Variants in PP2D1 observed in about 807,000 individuals in gnomAD.
PP2D1 encodes protein phosphatase 2C like domain containing 1, also known as protein phosphatase 2C-like domain-containing protein 1.
A neutral mutation model predicts 30.2 loss-of-function variants in PP2D1; 25 were observed. The observed-to-expected ratio is 0.83, with a 90% CI of 0.60 to 1.16. The LOEUF (loss-of-function observed/expected upper bound fraction) is 1.16, where lower values mean the gene tolerates loss of function less well. Ranked by LOEUF, PP2D1 falls within the 50% of genes most tolerant of loss-of-function variation. The pLI is 0.00. For missense variants in PP2D1, 760 were observed against 742.4 expected (o/e 1.02, Z -0.28); for synonymous variants, 260 against 258.9 (o/e 1.00, Z -0.04).
chr3:20,005,985 G>C (rs909000658), intron 1 of PP2D1, among the ~76,000 whole-genome samples: 1 of 151,914 alleles, frequency 6.6e-6, no homozygotes, highest in African/African-American at 2.4e-5. Flanking sequence ...AGTGGCTCAC[G>C]CATAATCCCA....
At position 20,012,231 on chromosome 3, in the gene PP2D1, C is replaced by T. The variant is rs1697397575; in HGVS notation, c.-159G>A. The T allele has an allele frequency of 1.6e-6, 1 of 630,076 alleles. No homozygotes were observed. The highest frequency in any genetic ancestry group is 2.8e-6 in the Non-Finnish European group (1 of 359,224). The allele number at this position is 630,076 out of a possible 1,614,324, so 39.0% of individuals were successfully genotyped here. A position where few individuals can be genotyped will look rare whatever the true frequency, so the allele number is the denominator to read the frequency against. The stretch of plus-strand genomic sequence containing the variant: ...GTGATGATAGCGATGGTGGGCATTC[C>T]CCTCACTTGATGGTAGAGCTCCCTG... On this transcript the variant is annotated 5_prime_UTR_variant, in exon 1 of 3. Coordinates refer to ENST00000389050, the MANE Select transcript of PP2D1 (RefSeq NM_001252657.2).
chr3:19,980,866 C>G (rs75236338), downstream of PP2D1, among the ~76,000 whole-genome samples: 2 of 152,216 alleles, frequency 1.3e-5, no homozygotes, highest in African/African-American at 4.8e-5. Flanking sequence ...CTCCCAAATC[C>G]ATTGCCCAAC....
At chr3:19,994,892 A>C (rs917215241) in intron 2 of PP2D1, among the ~76,000 whole-genome samples, 2 of 152,246 alleles carry the variant, frequency 1.3e-5, no homozygotes, top group South Asian at 4.1e-4. Flanking sequence ...AACACTGGGA[A>C]AAGAAACATT....
At chr3:19,985,111 C>T (rs911715372), downstream of PP2D1, 33 of 335,730 alleles carry the variant, frequency 9.8e-5, no homozygotes, top group Middle Eastern at 8.7e-4. Flanking sequence ...ATTAGGAAAA[C>T]GGTTCACCAG....
intron 2 of PP2D1, among the ~76,000 whole-genome samples, chr3:19,999,349 T>C (rs144736617): frequency 0.017 from 2,590 of 151,670 alleles, 63 homozygotes; most frequent in African/African-American, 0.059. Context: ...AAATGCTGGT[T>C]ACAGGCGTCA....
At chr3:20,000,066 C>T (rs9871747) in intron 2 of PP2D1, among the ~76,000 whole-genome samples, 24,270 of 152,144 alleles carry the variant, frequency 0.16, 2,120 homozygotes, top group Non-Finnish European at 0.21. Flanking sequence ...ACTGTCTCTG[C>T]CACAAAGTCC....
At chr3:20,006,860 T>A (rs1158970738) in intron 1 of PP2D1, among the ~76,000 whole-genome samples, 4 of 151,874 alleles carry the variant, frequency 2.6e-5, no homozygotes, top group Non-Finnish European at 5.9e-5. Flanking sequence ...CACTGCAACC[T>A]CTGCCTCCTG....
At chr3:20,005,153 TTAAA>T (rs1165670304) in intron 1 of PP2D1, among the ~76,000 whole-genome samples, 1 of 150,892 alleles carries the variant, frequency 6.6e-6, no homozygotes, top group African/African-American at 2.4e-5. Context: ...ATTTTTTTTT[TTAAA>T]TTTATTTTTT....
intron 2 of PP2D1, chr3:19,996,937 A>G (rs549951491): frequency 6.6e-6 from 1 of 152,040 alleles, no homozygotes; most frequent in Non-Finnish European, 1.5e-5. Flanking sequence ...TAAATATGAC[A>G]CATTACCAAC....
rs771082649 is a variant in PP2D1 at position 19,985,452 on chromosome 3, C to T, written c.1821G>A (p.Leu607=). 3.3e-6 allele frequency: 5 copies of T among 1,536,062 alleles called. No individual in the cohort carries two copies. Among genetic ancestry groups the T allele is most frequent in the Non-Finnish European group, 4.4e-6 (5 of 1,146,850 alleles). Residue 607 remains leucine, a synonymous_variant, in exon 3 of 3, where the codon CTG becomes CTA. Coordinates refer to ENST00000389050, the MANE Select transcript of PP2D1 (RefSeq NM_001252657.2). The part of the protein sequence containing the change: ...VSHELVNAAL[L]AGSRDNITVM... ...CTGTAATGTTGTCTCTGGAGCCAGC[C>T]AGTAAAGCAGCATTTACAAGTTCAT... is the stretch of plus-strand genomic sequence containing the variant.
At chr3:19,981,629 A>G (rs1296215534), downstream of PP2D1, among the ~76,000 whole-genome samples, 4 of 151,548 alleles carry the variant, frequency 2.6e-5, no homozygotes, top group South Asian at 4.2e-4. Flanking sequence ...AAAAAAAATC[A>G]TAAATCAAAA....
intron 2 of PP2D1, among the ~76,000 whole-genome samples, chr3:19,987,812 G>A (rs1697060921): frequency 6.6e-6 from 1 of 152,208 alleles, no homozygotes; most frequent in South Asian, 2.1e-4. Flanking sequence ...AGAGGGACTG[G>A]CTGAAGCCAT....
At position 19,986,079 on chromosome 3, in the gene PP2D1, T is replaced by A. The variant is rs189682608; in HGVS notation, c.1194A>T (p.Gly398=). 822 of 1,536,058 alleles carry A rather than the reference T, an allele frequency of 5.4e-4. No individual in the cohort carries two copies. Among genetic ancestry groups the A allele is most frequent in the Non-Finnish European group, 6.7e-4 (770 of 1,146,836 alleles). Reference sequence around the variant, plus strand: ...ATGGTTCATTTGAACTAATGACTGCTCCATTCTGAAGTATTCTTCTTCTTT... The same window carrying A: ...ATGGTTCATTTGAACTAATGACTGCACCATTCTGAAGTATTCTTCTTCTTT... ...TNERRRILQN[G]AVISSNEPYG... The change falls in exon 3 of 3, where the codon GGA becomes GGT. Residue 398 remains glycine, a synonymous_variant. Transcript: ENST00000389050.
chr3:20,011,609 G>A (rs1327071232), intron 1 of PP2D1, among the ~76,000 whole-genome samples: 2 of 152,038 alleles, frequency 1.3e-5, no homozygotes, highest in African/African-American at 4.8e-5. Context: ...GACCAGCCTG[G>A]CCAACATAGT....
intron 2 of PP2D1, among the ~76,000 whole-genome samples, chr3:19,990,387 C>A (rs559656031): frequency 7.1e-4 from 108 of 152,318 alleles, no homozygotes; most frequent in Non-Finnish European, 1.3e-3. Flanking sequence ...CTCAATCGAT[C>A]CTCCCAAAAT....
downstream of PP2D1, chr3:19,983,713 A>G: frequency 1.2e-6 from 2 of 1,600,842 alleles, no homozygotes; most frequent in South Asian, 2.2e-5. Context: ...TTCAGCTAAA[A>G]AATTGCCAAA....
Position 20,004,648 on chromosome 3 carries a change from A to T in PP2D1, c.24-2552T>A, listed in dbSNP as rs557272171. On this transcript the variant is annotated intron_variant, in intron 1 of 2. Transcript: ENST00000389050. ...ATTTCTGGAAAGCAGGCATCATTTTATACGCCTTCCTATCAGAAACATCTA... is the reference window on the plus strand; with the variant it reads ...ATTTCTGGAAAGCAGGCATCATTTTTTACGCCTTCCTATCAGAAACATCTA... Among the ~76,000 whole-genome samples, 3 of 152,296 alleles carry T rather than the reference A, an allele frequency of 2.0e-5. No individual in the cohort carries two copies. In the South Asian group the frequency reaches 6.2e-4, roughly 32 times the overall value.
intron 2 of PP2D1, among the ~76,000 whole-genome samples, chr3:19,992,020 C>G (rs574435313): frequency 6.6e-6 from 1 of 152,226 alleles, no homozygotes; most frequent in Non-Finnish European, 1.5e-5. Context: ...TTAGGGGAAA[C>G]AGTCTGTATC....
chr3:19,999,229 A>C, intron 2 of PP2D1, among the ~76,000 whole-genome samples: 1 of 143,824 alleles, frequency 7.0e-6, no homozygotes, highest in Non-Finnish European at 1.5e-5. Context: ...ACAGGCATGC[A>C]CCACCACTCC....
Sources: allele counts gnomAD v4.1 joint callset (sites outside exome capture counted in the v4.1 genomes callset), GRCh38; gene constraint gnomAD v4.1.1; transcripts MANE v1.5; gene names NCBI Gene and HGNC (gene_info 2026-07-23, HGNC 2026-07-21).